Variants in MAP2K5 observed in about 807,000 individuals in gnomAD.
MAP2K5 encodes mitogen-activated protein kinase kinase 5.
MAP2K5 carries 49 observed loss-of-function variants against 83.1 expected under a neutral mutation model. That is an observed-to-expected ratio of 0.59 (90% CI 0.47 to 0.75). The LOEUF is 0.75. Ranked by LOEUF, MAP2K5 falls within the 30% of genes least tolerant of loss-of-function variation. The probability of loss-of-function intolerance (pLI) is 0.00; values close to 1 mark genes in which losing one functional copy is unlikely to be tolerated. For missense variants in MAP2K5, 457 were observed against 557.5 expected (o/e 0.82, Z 1.82); for synonymous variants, 202 against 191.8 (o/e 1.05, Z -0.44).
intron 15 of MAP2K5, among the ~76,000 whole-genome samples, chr15:67,695,514 G>A (rs1805171199): frequency 6.6e-6 from 1 of 152,110 alleles, no homozygotes; most frequent in Non-Finnish European, 1.5e-5. Context: ...CCTCTACCAA[G>A]TTAGGTGAGA....
At chr15:67,715,959 T>A (rs1335816190) in intron 16 of MAP2K5, among the ~76,000 whole-genome samples, 1 of 152,184 alleles carries the variant, frequency 6.6e-6, no homozygotes, top group African/African-American at 2.4e-5. Flanking sequence ...AAGGACTGTT[T>A]GTCTCAGATT....
intron 4 of MAP2K5, 191 bp from the exon 5 acceptor site, chr15:67,585,699 A>G: frequency 1.8e-6 from 1 of 548,422 alleles, no homozygotes; most frequent in Non-Finnish European, 3.3e-6. Context: ...AGCTCTTTGC[A>G]TTTATAAATG....
rs1567284862 is a variant in MAP2K5 at position 67,577,584 on chromosome 15, G to GT, written c.253-3163dup. 6.6e-6 allele frequency among the ~76,000 whole-genome samples: 1 copy of GT among 151,860 alleles called. No individual in the cohort carries two copies. The highest frequency in any genetic ancestry group is 2.4e-5 in the African/African-American group (1 of 41,338). Reference sequence around the variant, plus strand: ...TTTGGTCGTTGCTGTTTGTTTCTTTGTTTTTTTCTTTTCTTTTGGTTTTGG... The same window carrying GT: ...TTTGGTCGTTGCTGTTTGTTTCTTTGTTTTTTTTCTTTTCTTTTGGTTTTGG... On this transcript the variant is annotated intron_variant, in intron 3 of 21. Coordinates refer to ENST00000178640, the MANE Select transcript of MAP2K5 (RefSeq NM_145160.3). This position sits in a 1 kb window ranked among gnomAD's most constrained non-coding sequence, Gnocchi z 4.1.
chr15:67,732,661 C>A (rs1487273427), intron 17 of MAP2K5, among the ~76,000 whole-genome samples: 1 of 151,324 alleles, frequency 6.6e-6, no homozygotes, highest in African/African-American at 2.5e-5. Context: ...CTTTAAATTT[C>A]ATTTTTTTTT....
At chr15:67,728,706 G>A (rs1184174950) in intron 17 of MAP2K5, among the ~76,000 whole-genome samples, 1 of 152,228 alleles carries the variant, frequency 6.6e-6, no homozygotes, top group Non-Finnish European at 1.5e-5. Context: ...AGGCATGTCT[G>A]ATTTAAAGGT....
intron 2 of MAP2K5, among the ~76,000 whole-genome samples, chr15:67,551,630 GC>G (rs1381345802): frequency 6.6e-6 from 1 of 152,046 alleles, no homozygotes; most frequent in Non-Finnish European, 1.5e-5. Context: ...ACTGTGCCTG[GC>G]CCACTGTGGG....
Position 67,563,296 on chromosome 15 carries a change from T to G in MAP2K5, c.198T>G (p.Asp66Glu), listed in dbSNP as rs750663318. 29 of 1,611,056 alleles carry G rather than the reference T, an allele frequency of 1.8e-5. No individual in the cohort carries two copies. The highest frequency in any genetic ancestry group is 2.0e-5 in the Non-Finnish European group (23 of 1,178,776). ...GCTTTTAAACAGATGAAGATGAAGA[T>G]GGTGATCGAATTACAGTGAGAAGTG... ...TTTAFEYEDEDGDRITVRSDE... is the reference protein window; with the variant it reads ...TTTAFEYEDEEGDRITVRSDE... Residue 66 changes from aspartate to glutamate, a missense_variant, in exon 3 of 22, where the codon GAT (aspartate) becomes GAG (glutamate). Around this residue, in one of 3 missense-constraint regions of MAP2K5, gnomAD observed 234 missense variants for 243.6 expected, o/e 0.96. Coordinates refer to ENST00000178640, the MANE Select transcript of MAP2K5 (RefSeq NM_145160.3). This position sits in a 1 kb window ranked among gnomAD's most constrained non-coding sequence, Gnocchi z 4.5.
At chr15:67,646,849 G>C (rs903224041) in intron 11 of MAP2K5, among the ~76,000 whole-genome samples, 2 of 152,116 alleles carry the variant, frequency 1.3e-5, no homozygotes, top group Non-Finnish European at 2.9e-5. Flanking sequence ...CCAATGTCCT[G>C]TGTCTTTCAG....
Position 67,736,757 on chromosome 15 carries a change from C to G in MAP2K5, c.1074+8812C>G, listed in dbSNP as rs191253484. ...AGAAATAGAATTGAAAGTTAATGAA[C>G]TTGGTGTTCAGTCTGGCTTTCATGT... On this transcript the variant is annotated intron_variant, in intron 17 of 21. Coordinates refer to ENST00000178640, the MANE Select transcript of MAP2K5 (RefSeq NM_145160.3). This position sits in a 1 kb window ranked among gnomAD's most constrained non-coding sequence, Gnocchi z 4.3. Among the ~76,000 whole-genome samples, 22 of 152,256 alleles carry G rather than the reference C, an allele frequency of 1.4e-4. No individual in the cohort carries two copies. The highest frequency in any genetic ancestry group is 6.5e-4 in the Admixed American group (10 of 15,300).
At chr15:67,582,779 C>T (rs887264831) in intron 4 of MAP2K5, among the ~76,000 whole-genome samples, 3 of 151,808 alleles carry the variant, frequency 2.0e-5, no homozygotes, top group African/African-American at 7.2e-5. Flanking sequence ...CATGTTTGTG[C>T]CACTGTACTC....
intron 7 of MAP2K5, among the ~76,000 whole-genome samples, chr15:67,594,618 A>C (rs1419808722): frequency 1.3e-5 from 2 of 152,198 alleles, no homozygotes; most frequent in Non-Finnish European, 2.9e-5. Context: ...CAGTAAGCCT[A>C]GTACCATAGA....
chr15:67,578,137 A>G (rs2085102554), intron 3 of MAP2K5, among the ~76,000 whole-genome samples: 1 of 152,202 alleles, frequency 6.6e-6, no homozygotes, highest in Non-Finnish European at 1.5e-5. Context: ...CACAGTGAGC[A>G]TTTTGTCATG....
chr15:67,714,669 A>G (rs925395204), intron 16 of MAP2K5, among the ~76,000 whole-genome samples: 1 of 152,128 alleles, frequency 6.6e-6, no homozygotes, highest in Non-Finnish European at 1.5e-5. Flanking sequence ...TTAAATATTT[A>G]GTTTCAAGAA....
chr15:67,660,941 T>G (rs1224773352), intron 12 of MAP2K5, among the ~76,000 whole-genome samples: 1 of 151,888 alleles, frequency 6.6e-6, no homozygotes, highest in East Asian at 1.9e-4. Flanking sequence ...GACTTATGAA[T>G]GAGAGAATAG....
At chr15:67,566,565 AG>A (rs1432366278) in intron 3 of MAP2K5, among the ~76,000 whole-genome samples, 2 of 152,196 alleles carry the variant, frequency 1.3e-5, no homozygotes, top group African/African-American at 2.4e-5. Context: ...GCAAAAATAG[AG>A]GCACTTTTAC....
chr15:67,797,573 T>C (rs922925640), intron 21 of MAP2K5, among the ~76,000 whole-genome samples: 10 of 152,224 alleles, frequency 6.6e-5, no homozygotes, highest in Middle Eastern at 3.2e-3. Context: ...AGGCAACATG[T>C]GTTTCTCTTT....
chr15:67,566,471 C>T (rs1047041378), intron 3 of MAP2K5, among the ~76,000 whole-genome samples: 4 of 152,180 alleles, frequency 2.6e-5, no homozygotes, highest in Non-Finnish European at 5.9e-5. Flanking sequence ...CCACCATACC[C>T]GGCCAAAAGA....
Position 67,720,348 on chromosome 15 carries a change from CTATA to C in MAP2K5, c.1045-7561_1045-7558del, listed in dbSNP as rs907997488. On this transcript the variant is annotated intron_variant, in intron 16 of 21. Transcript: ENST00000178640. This position sits in a 1 kb window ranked among gnomAD's most constrained non-coding sequence, Gnocchi z 5.7. ...CATACATAAGTATATACATATATAT[CTATA>C]TATATACACACTTACACACACACAA... 5.3e-5 allele frequency among the ~76,000 whole-genome samples: 8 copies of C among 151,236 alleles called. No homozygotes were observed. The highest frequency in any genetic ancestry group is 1.9e-4 in the African/African-American group (8 of 41,098).
chr15:67,719,904 G>T lies in MAP2K5; in HGVS notation c.1045-8012G>T, dbSNP rs980293829. On this transcript the variant is annotated intron_variant, in intron 16 of 21. Coordinates refer to ENST00000178640, the MANE Select transcript of MAP2K5 (RefSeq NM_145160.3). The surrounding 1 kb of genome is among the most constrained non-coding windows in gnomAD (Gnocchi z 4.6). ...AGAGTCTCTCACGAATTTCCTCTCA[G>T]TGCACAGAATACCATGGAAAAAGAC... is the stretch of plus-strand genomic sequence containing the variant. Among the ~76,000 whole-genome samples the T allele has an allele frequency of 1.3e-5, 2 of 152,150 alleles. No individual in the cohort carries two copies. Among genetic ancestry groups the T allele is most frequent in the African/African-American group, 4.8e-5 (2 of 41,438 alleles).
Sources: gnomAD v4.1 joint callset for allele counts (sites outside exome capture counted in the v4.1 genomes callset) on GRCh38, gnomAD v4.1.1 for gene constraint, gnomAD v4.1.1 regional missense constraint, Gnocchi (gnomAD v3.1) non-coding constraint, MANE v1.5 for transcripts, NCBI Gene and HGNC (gene_info 2026-07-23, HGNC 2026-07-21) for gene names.